The following SGCZ variants were observed in gnomAD, a reference collection of about 807,000 sequenced individuals.
The protein encoded by SGCZ is zeta-sarcoglycan.
Under a neutral mutation model 41.3 loss-of-function variants are expected in SGCZ, and 40 were observed. The ratio of observed to expected loss-of-function variants is 0.97; its 90% CI spans 0.75 to 1.26. The LOEUF is 1.26. Ranked by LOEUF, SGCZ falls within the 50% of genes most tolerant of loss-of-function variation. The probability of loss-of-function intolerance (pLI) is 0.00; values close to 1 mark genes in which losing one functional copy is unlikely to be tolerated. For synonymous variants in SGCZ, 206 were observed against 137.5 expected (o/e 1.50, Z -3.49); for missense variants, 552 against 369.8 (o/e 1.49, Z -4.04).
rs567119386 is a variant in SGCZ, at chr8:14,849,043, A to G, written c.40-294117T>C. Among the ~76,000 whole-genome samples the G allele has an allele frequency of 1.6e-4, 25 of 152,292 alleles. No homozygotes were observed. The South Asian group carries it at 4.1e-3, about 25-fold the overall frequency. ...TATGTGAACAGATTGTTCACCAAAT[A>G]AGGTATATGGATGGAAAATAAACGT... On this transcript the variant is annotated intron_variant, in intron 1 of 7. Transcript: ENST00000382080.
chr8:14,239,524 T>G (rs1251946702), intron 3 of SGCZ, among the ~76,000 whole-genome samples: 1 of 152,152 alleles, frequency 6.6e-6, no homozygotes, highest in East Asian at 1.9e-4. Flanking sequence ...ATGTTTTTAT[T>G]TGAGTTACTA....
chr8:14,914,272 A>C (rs1414149824), intron 1 of SGCZ, among the ~76,000 whole-genome samples: 1 of 149,620 alleles, frequency 6.7e-6, no homozygotes, highest in Non-Finnish European at 1.5e-5. Context: ...TAACTAATGT[A>C]ATAAACAAAG....
intron 2 of SGCZ, among the ~76,000 whole-genome samples, chr8:14,362,103 C>A (rs1803536936): frequency 6.6e-6 from 1 of 152,168 alleles, no homozygotes; most frequent in African/African-American, 2.4e-5. Context: ...CTGTCAGCCC[C>A]TACTGGGAGG....
intron 1 of SGCZ, among the ~76,000 whole-genome samples, chr8:15,001,833 T>G (rs1009013569): frequency 6.6e-6 from 1 of 152,108 alleles, no homozygotes; most frequent in African/African-American, 2.4e-5. Flanking sequence ...ATCTTCATTT[T>G]GTATATGTAG....
chr8:14,782,731 C>A (rs1362943541), intron 1 of SGCZ, among the ~76,000 whole-genome samples: 4 of 150,946 alleles, frequency 2.6e-5, no homozygotes, highest in African/African-American at 7.3e-5. Context: ...AAACAAGGAA[C>A]CTTATACTCC....
intron 1 of SGCZ, among the ~76,000 whole-genome samples, chr8:14,737,598 C>T (rs983360865): frequency 4.6e-5 from 7 of 152,068 alleles, no homozygotes; most frequent in African/African-American, 1.7e-4. Context: ...GGCTGGAAGT[C>T]TAAGATCAAG....
At chr8:14,794,331 T>C (rs1156790882) in intron 1 of SGCZ, among the ~76,000 whole-genome samples, 1 of 151,952 alleles carries the variant, frequency 6.6e-6, no homozygotes, top group Non-Finnish European at 1.5e-5. Flanking sequence ...GTCATGAATA[T>C]CAAGAGAAAA....
intron 2 of SGCZ, among the ~76,000 whole-genome samples, chr8:14,422,060 T>A (rs537696758): frequency 1.3e-5 from 2 of 152,172 alleles, no homozygotes; most frequent in Admixed American, 1.3e-4. Context: ...TCAAAGTTCC[T>A]TGATATCTAA....
intron 1 of SGCZ, among the ~76,000 whole-genome samples, chr8:14,996,714 C>T (rs1802231929): frequency 6.6e-6 from 1 of 152,216 alleles, no homozygotes; most frequent in Admixed American, 6.5e-5. Context: ...GAACTCCAGA[C>T]ATCTTCTGGA....
intron 2 of SGCZ, among the ~76,000 whole-genome samples, chr8:14,374,415 G>C (rs1045666140): frequency 6.6e-6 from 1 of 152,184 alleles, no homozygotes; most frequent in Non-Finnish European, 1.5e-5. Flanking sequence ...AAACACATAT[G>C]AAAGTTGATT....
rs74989261 is a variant in SGCZ at position 14,131,908 on chromosome 8, A to G, written c.548-23673T>C. The stretch of plus-strand genomic sequence containing the variant: ...ACCTAGGAGCAGTAGGTTATTTTAT[A>G]TAGTCTAGGTGGATAGTAGGCTGTC... On this transcript the variant is annotated intron_variant, in intron 5 of 7. Transcript: ENST00000382080. Among the ~76,000 whole-genome samples the G allele has an allele frequency of 4.9e-3, 750 of 152,276 alleles. 7 individuals carry two copies. The highest frequency in any genetic ancestry group is 0.018 in the African/African-American group (729 of 41,564).
chr8:14,711,598 TAAAAAAAAAAAA>T (rs200467876), intron 1 of SGCZ, among the ~76,000 whole-genome samples: 2 of 80,290 alleles, frequency 2.5e-5, no homozygotes, highest in South Asian at 5.0e-4. Flanking sequence ...TGAGACTCTG[TAAAAAAAAAAAA>T]AAAAAAAAAA....
At chr8:15,133,853 T>C (rs1808008194) in intron 1 of SGCZ, among the ~76,000 whole-genome samples, 1 of 152,164 alleles carries the variant, frequency 6.6e-6, no homozygotes, top group South Asian at 2.1e-4. Flanking sequence ...AAAACAAGTG[T>C]TAAAACCACT....
At chr8:14,648,107 A>G (rs1249971980) in intron 1 of SGCZ, among the ~76,000 whole-genome samples, 1 of 152,064 alleles carries the variant, frequency 6.6e-6, no homozygotes, top group Admixed American at 6.6e-5. Flanking sequence ...CTCCAATTCC[A>G]CAGAGCACCA....
intron 2 of SGCZ, among the ~76,000 whole-genome samples, chr8:14,483,630 T>C (rs1018906547): frequency 1.3e-5 from 2 of 152,312 alleles, no homozygotes; most frequent in South Asian, 4.1e-4. Flanking sequence ...TTTTTGGCCA[T>C]GTAAATTACG....
intron 2 of SGCZ, among the ~76,000 whole-genome samples, chr8:14,482,155 A>C (rs1801552065): frequency 6.6e-6 from 1 of 152,160 alleles, no homozygotes; most frequent in South Asian, 2.1e-4. Context: ...CTGACTGACT[A>C]ACTCAGTGAG....
intron 2 of SGCZ, among the ~76,000 whole-genome samples, chr8:14,374,377 G>A (rs1315608046): frequency 1.3e-5 from 2 of 152,104 alleles, no homozygotes; most frequent in South Asian, 4.1e-4. Flanking sequence ...TGGTACATAG[G>A]TAGATAGTTT....
chr8:15,010,280 T>C (rs944517881), intron 1 of SGCZ, among the ~76,000 whole-genome samples: 3 of 152,216 alleles, frequency 2.0e-5, no homozygotes, highest in African/African-American at 7.2e-5. Flanking sequence ...TTATGTTTTA[T>C]GTATTGATGA....
intron 3 of SGCZ, among the ~76,000 whole-genome samples, chr8:14,276,642 T>C (rs752404945): frequency 5.3e-5 from 8 of 152,148 alleles, no homozygotes; most frequent in Non-Finnish European, 8.8e-5. Flanking sequence ...CTGAACTATT[T>C]CCTTATTATA....
Sources: gnomAD v4.1 joint callset for allele counts (sites outside exome capture counted in the v4.1 genomes callset) on GRCh38, gnomAD v4.1.1 for gene constraint, MANE v1.5 for transcripts, NCBI Gene and HGNC (gene_info 2026-07-23, HGNC 2026-07-21) for gene names.